Variants in SYT2 observed in about 807,000 individuals in gnomAD.
The protein encoded by SYT2 is synaptotagmin-2.
SYT2 carries 15 observed loss-of-function variants against 39.9 expected under a neutral mutation model. That is an observed-to-expected ratio of 0.38 (90% CI 0.25 to 0.58). The LOEUF (loss-of-function observed/expected upper bound fraction) is 0.58. Ranked by LOEUF, SYT2 falls within the 20% of genes least tolerant of loss-of-function variation. The pLI, the probability that SYT2 is intolerant of heterozygous loss-of-function variation, is 0.70. For synonymous variants in SYT2, 181 were observed against 204.5 expected (o/e 0.89, Z 0.98); for missense variants, 389 against 530.3 (o/e 0.73, Z 2.62).
intron 1 of SYT2, among the ~76,000 whole-genome samples, chr1:202,626,400 T>TTTTTTTTTTTTG (rs1435358378): frequency 1.0e-5 from 1 of 99,758 alleles, no homozygotes; most frequent in East Asian, 3.0e-4. Context: ...CCTCTCAGCT[T>TTTTTTTTTTTTG]TTTTTTTTTT....
At chr1:202,679,238 C>G (rs1434878769) in intron 1 of SYT2, among the ~76,000 whole-genome samples, 1 of 152,170 alleles carries the variant, frequency 6.6e-6, no homozygotes, top group Admixed American at 6.5e-5. Context: ...CTCCTGTTCC[C>G]TTCCTACAGC....
At position 202,631,513 on chromosome 1, in the gene SYT2, G is replaced by A. The variant is rs373972969; in HGVS notation, c.-17-25724C>T. 2.6e-5 allele frequency among the ~76,000 whole-genome samples: 4 copies of A among 152,122 alleles called. No individual in the cohort carries two copies. The South Asian group carries it at 8.3e-4, about 32-fold the overall frequency. On this transcript the variant is annotated intron_variant, in intron 1 of 8. Coordinates refer to ENST00000367268, the MANE Select transcript of SYT2 (RefSeq NM_177402.5). ...CCCTCCCCCAAGCAAAGTCCCCTGA[G>A]AGGAAAAAAATCACACCACATCTTT...
At position 202,591,188 on chromosome 1, in the gene SYT2, C is replaced by G. The variant is rs964419454; in HGVS notation, c.*5569G>C. 1 of 152,452 alleles carries G rather than the reference C, an allele frequency of 6.6e-6. No homozygotes were observed. Among genetic ancestry groups the G allele is most frequent in the Non-Finnish European group, 1.5e-5 (1 of 68,190 alleles). The allele number at this position is 152,452 out of a possible 1,614,324, so 9.4% of individuals were successfully genotyped here. On this transcript the variant is annotated 3_prime_UTR_variant, in exon 9 of 9. Coordinates refer to ENST00000367268, the MANE Select transcript of SYT2 (RefSeq NM_177402.5). Reference sequence around the variant, plus strand: ...CTCTTTCAGTTCCCAGCACAAAGGTCCCTGGGACTTCTGTGTGCAACTTCT... The same window carrying G: ...CTCTTTCAGTTCCCAGCACAAAGGTGCCTGGGACTTCTGTGTGCAACTTCT...
intron 1 of SYT2, among the ~76,000 whole-genome samples, chr1:202,699,480 A>G (rs1654058448): frequency 6.6e-6 from 1 of 152,166 alleles, no homozygotes; most frequent in Non-Finnish European, 1.5e-5. Flanking sequence ...GGGACAGACA[A>G]ACTTGAATCT....
chr1:202,604,336 G>A, intron 3 of SYT2, 119 bp downstream of exon 3: 1 of 1,046,262 alleles, frequency 9.6e-7, no homozygotes, highest in Admixed American at 2.1e-5. Context: ...AGAGAGCCAA[G>A]TTTTAAGGAG....
chr1:202,660,030 C>G (rs979007432), intron 1 of SYT2, among the ~76,000 whole-genome samples: 5 of 152,194 alleles, frequency 3.3e-5, no homozygotes, highest in African/African-American at 9.7e-5. Flanking sequence ...GAATCTCTGT[C>G]CCCTCTGCTT....
intron 1 of SYT2, among the ~76,000 whole-genome samples, chr1:202,636,746 G>A (rs543325313): frequency 7.6e-4 from 116 of 152,268 alleles, no homozygotes; most frequent in African/African-American, 2.3e-3. Flanking sequence ...TTACAGCACC[G>A]TTGTGTCAGG....
chr1:202,641,148 C>G (rs983618659), intron 1 of SYT2, among the ~76,000 whole-genome samples: 7 of 152,210 alleles, frequency 4.6e-5, no homozygotes, highest in Non-Finnish European at 8.8e-5. Flanking sequence ...CAAGGTCACA[C>G]AGCTAATAAC....
chr1:202,699,468 C>A (rs544627026), intron 1 of SYT2, among the ~76,000 whole-genome samples: 2 of 152,328 alleles, frequency 1.3e-5, no homozygotes, highest in Non-Finnish European at 2.9e-5. Flanking sequence ...GGGTGTGGCA[C>A]TGGGACAGAC....
At chr1:202,682,557 A>G (rs1653553708) in intron 1 of SYT2, among the ~76,000 whole-genome samples, 1 of 152,158 alleles carries the variant, frequency 6.6e-6, no homozygotes, top group Admixed American at 6.5e-5. Context: ...TGAATCAGCA[A>G]AAAGGCTGCT....
chr1:202,640,243 C>T (rs576653663), intron 1 of SYT2, among the ~76,000 whole-genome samples: 5 of 150,154 alleles, frequency 3.3e-5, no homozygotes, highest in African/African-American at 1.2e-4. Context: ...CCTCCCACCC[C>T]ACCCCACCCC....
In SYT2 at chr1:202,605,737, A is replaced by C; in HGVS notation, c.36T>G (p.Ile12Met). 3 of 1,614,070 alleles carry C rather than the reference A, an allele frequency of 1.9e-6. No individual in the cohort carries two copies. The highest frequency in any genetic ancestry group is 2.5e-6 in the Non-Finnish European group (3 of 1,179,968). The stretch of plus-strand genomic sequence containing the variant: ...TGGCGGTGGTGGTGGCAGGAGCCAC[A>C]ATAGGCTCCTGGTTCCTCTTGAAAA... ...RNIFKRNQEP[I>M]VAPATTTATM... The change falls in exon 2 of 9, where the codon ATT becomes ATG. Residue 12 changes from isoleucine (I) to methionine (M), a missense_variant. Around this residue, in one of 4 missense-constraint regions of SYT2, gnomAD observed 280 missense variants for 335.6 expected, o/e 0.83. Coordinates refer to ENST00000367268, the MANE Select transcript of SYT2 (RefSeq NM_177402.5).
chr1:202,607,995 C>A (rs1328150797), intron 1 of SYT2, among the ~76,000 whole-genome samples: 3 of 152,146 alleles, frequency 2.0e-5, no homozygotes, highest in African/African-American at 7.2e-5. Context: ...ATTAGCATAA[C>A]CTAAGTTAGA....
chr1:202,658,860 T>G (rs1254973544), intron 1 of SYT2, among the ~76,000 whole-genome samples: 1 of 152,048 alleles, frequency 6.6e-6, no homozygotes, highest in Non-Finnish European at 1.5e-5. Context: ...TCAGGAGGTC[T>G]AGGTAGAAGG....
At chr1:202,608,234 T>C (rs1690771171) in intron 1 of SYT2, among the ~76,000 whole-genome samples, 1 of 152,180 alleles carries the variant, frequency 6.6e-6, no homozygotes, top group African/African-American at 2.4e-5. Flanking sequence ...TATCAGTATT[T>C]CATTCCCTTT....
intron 1 of SYT2, among the ~76,000 whole-genome samples, chr1:202,616,115 C>A (rs887847746): frequency 1.3e-5 from 2 of 152,190 alleles, no homozygotes; most frequent in Non-Finnish European, 2.9e-5. Context: ...CCACCAGCTT[C>A]GCCTCCTCCT....
chr1:202,701,290 T>G (rs969812070), intron 1 of SYT2, among the ~76,000 whole-genome samples: 1 of 152,238 alleles, frequency 6.6e-6, no homozygotes, highest in African/African-American at 2.4e-5. Context: ...GTTTGTTGGT[T>G]GTTCTTTCAG....
intron 1 of SYT2, among the ~76,000 whole-genome samples, chr1:202,697,459 G>T (rs1159600949): frequency 6.6e-6 from 1 of 152,280 alleles, no homozygotes; most frequent in Non-Finnish European, 1.5e-5. Context: ...ACGAACTTGT[G>T]TAAAGTTGTG....
At chr1:202,607,714 G>T (rs1690753792) in intron 1 of SYT2, among the ~76,000 whole-genome samples, 1 of 152,278 alleles carries the variant, frequency 6.6e-6, no homozygotes, top group South Asian at 2.1e-4. Flanking sequence ...AACTGGTCTT[G>T]AAGTGAAAAA....
Sources: allele counts gnomAD v4.1 joint callset (sites outside exome capture counted in the v4.1 genomes callset), GRCh38; gene constraint gnomAD v4.1.1; regional missense constraint gnomAD v4.1.1; transcripts MANE v1.5; gene names NCBI Gene and HGNC (gene_info 2026-07-23, HGNC 2026-07-21).